The following BLTP1 variants were observed in gnomAD, a reference collection of about 807,000 sequenced individuals.
The protein encoded by BLTP1 is bridge-like lipid transfer protein family member 1.
the BLTP1 span, chr4:122,263,083 C>T: frequency 4.6e-5 from 64 of 1,390,736 alleles, no homozygotes; most frequent in African/African-American, 8.8e-4. Flanking sequence ...GGTAGTACAA[C>T]TAATCTCTCA....
chr4:122,341,416 G>T, the BLTP1 span, among the ~76,000 whole-genome samples: 1 of 151,928 alleles, frequency 6.6e-6, no homozygotes, highest in Non-Finnish European at 1.5e-5. Flanking sequence ...CTATTTCTTG[G>T]GAGTGGTAAA....
At chr4:122,214,801 A>G in the BLTP1 span, among the ~76,000 whole-genome samples, 6 of 151,624 alleles carry the variant, frequency 4.0e-5, no homozygotes, top group Non-Finnish European at 7.4e-5. Context: ...TTGTGGAGAC[A>G]GGGTTTCGCC....
the BLTP1 span, chr4:122,237,197 T>C: frequency 2.0e-6 from 2 of 985,330 alleles, no homozygotes; most frequent in African/African-American, 3.5e-5. Context: ...TTTACTTTTT[T>C]TGGCTAAAAC....
the BLTP1 span, among the ~76,000 whole-genome samples, chr4:122,160,258 G>A: frequency 6.6e-6 from 1 of 152,074 alleles, no homozygotes; most frequent in African/African-American, 2.4e-5. Context: ...ATACCACATG[G>A]TAATCATGAA....
chr4:122,339,481 T>C, the BLTP1 span: 1 of 987,388 alleles, frequency 1.0e-6, no homozygotes, highest in Non-Finnish European at 1.4e-6. Context: ...TTAATAGTAA[T>C]TAATACATAT....
At chr4:122,264,500 A>G in the BLTP1 span, 3 of 1,340,334 alleles carry the variant, frequency 2.2e-6, no homozygotes, top group Non-Finnish European at 3.0e-6. Flanking sequence ...AACCTCCAAT[A>G]GTACGCACCT....
chr4:122,329,006 C>T, the BLTP1 span, among the ~76,000 whole-genome samples: 8 of 151,732 alleles, frequency 5.3e-5, no homozygotes, highest in African/African-American at 1.9e-4. Context: ...ATAAGAAACT[C>T]TCTGTCTTCA....
the BLTP1 span, chr4:122,304,631 C>A: frequency 1.2e-6 from 1 of 856,506 alleles, no homozygotes; most frequent in African/African-American, 1.8e-5. Flanking sequence ...GTGTGACCCA[C>A]TTTATTACAA....
At chr4:122,261,737 A>G in the BLTP1 span, 84 of 980,948 alleles carry the variant, frequency 8.6e-5, no homozygotes, top group Non-Finnish European at 9.4e-5. Flanking sequence ...TTCATCCTTT[A>G]GGACAGAATA....
chr4:122,185,312 T>C, the BLTP1 span: 2 of 982,586 alleles, frequency 2.0e-6, no homozygotes, highest in African/African-American at 3.5e-5. Flanking sequence ...GGATAGAGGT[T>C]ATAAAAAAGA....
the BLTP1 span, chr4:122,238,129 C>T: frequency 6.2e-7 from 1 of 1,613,564 alleles, no homozygotes; most frequent in South Asian, 1.1e-5. Context: ...AATGGGAAAA[C>T]AAATCAGTGG....
chr4:122,347,926 C>T, the BLTP1 span: 1 of 614,178 alleles, frequency 1.6e-6, no homozygotes, highest in East Asian at 2.7e-5. Flanking sequence ...ATCCCCAACA[C>T]AGTAAAAACA....
chr4:122,362,143 G>A, the BLTP1 span: 3 of 1,613,556 alleles, frequency 1.9e-6, no homozygotes, highest in Non-Finnish European at 2.5e-6. Flanking sequence ...TCAAAGAGGA[G>A]TCATGGATCC....
chr4:122,237,186 A>T, the BLTP1 span: 2 of 985,208 alleles, frequency 2.0e-6, no homozygotes, highest in Non-Finnish European at 2.4e-6. Flanking sequence ...CCATTAGCGG[A>T]TTTACTTTTT....
the BLTP1 span, among the ~76,000 whole-genome samples, chr4:122,191,383 G>A: frequency 1.3e-5 from 2 of 151,934 alleles, no homozygotes; most frequent in Non-Finnish European, 2.9e-5. Flanking sequence ...CTGCTGTTAT[G>A]AGCTTGACAG....
At chr4:122,199,467 T>C in the BLTP1 span, 1 of 1,592,172 alleles carries the variant, frequency 6.3e-7, no homozygotes, top group African/African-American at 1.3e-5. Flanking sequence ...CTGTAGTACA[T>C]GATGATATAC....
the BLTP1 span, chr4:122,247,502 C>T: frequency 9.4e-7 from 1 of 1,058,566 alleles, no homozygotes; most frequent in South Asian, 1.6e-5. Flanking sequence ...CTATATTGAA[C>T]ACGTGGTATT....
the BLTP1 span, chr4:122,235,001 A>C: frequency 1.2e-6 from 2 of 1,600,858 alleles, no homozygotes; most frequent in African/African-American, 1.3e-5. Flanking sequence ...TAATTACTAA[A>C]GAAATTCCCA....
chr4:122,272,481 A>T, the BLTP1 span: 1 of 1,260,418 alleles, frequency 7.9e-7, no homozygotes, highest in South Asian at 1.7e-5. Flanking sequence ...AACCACTGCC[A>T]TGTCTCCAAA....
Sources: allele counts gnomAD v4.1 joint callset (sites outside exome capture counted in the v4.1 genomes callset), GRCh38; gene constraint gnomAD v4.1.1; transcripts MANE v1.5; gene names NCBI Gene and HGNC (gene_info 2026-07-23, HGNC 2026-07-21).